ANO6: variants seen among roughly 807,000 people sequenced by gnomAD.
ANO6 encodes anoctamin-6.
A neutral mutation model predicts 117.5 loss-of-function variants in ANO6; 106 were observed. That is an observed-to-expected ratio of 0.90 (90% CI 0.77 to 1.06). The LOEUF is 1.06. Among genes scored for constraint, ANO6 ranks in the 50% least tolerant of loss-of-function variants. The probability of loss-of-function intolerance (pLI) is 0.00; values close to 1 mark genes in which losing one functional copy is unlikely to be tolerated. For missense variants in ANO6, 955 were observed against 1,121.1 expected, an observed-to-expected ratio of 0.85 and a Z score of 2.12; for synonymous variants, 367 against 385.1, an observed-to-expected ratio of 0.95 and a Z score of 0.55.
chr12:45,261,323 T>C (rs1267691069), intron 1 of ANO6, among the ~76,000 whole-genome samples: 2 of 152,184 alleles, frequency 1.3e-5, no homozygotes, highest in Non-Finnish European at 2.9e-5. Context: ...TAGTTCTAGG[T>C]AGAGGGCCGT....
intron 1 of ANO6, among the ~76,000 whole-genome samples, chr12:45,287,767 A>G (rs772728723): frequency 2.0e-5 from 3 of 152,186 alleles, no homozygotes; most frequent in East Asian, 3.9e-4. Context: ...TAGATATGCT[A>G]AAACTGGGAT....
At chr12:45,337,535 CATGA>C (rs1406948819) in intron 3 of ANO6, among the ~76,000 whole-genome samples, 1 of 152,018 alleles carries the variant, frequency 6.6e-6, no homozygotes, top group Non-Finnish European at 1.5e-5. Context: ...TTAAGCAATG[CATGA>C]ATGAATTTAT....
At chr12:45,335,649 C>A (rs1940803070) in intron 3 of ANO6, 1 of 151,940 alleles carries the variant, frequency 6.6e-6, no homozygotes, top group Non-Finnish European at 1.5e-5. Context: ...TGTAAATATT[C>A]CAATTTCTTA....
chr12:45,433,138 C>T (rs1427878168), downstream of ANO6, among the ~76,000 whole-genome samples: 2 of 152,186 alleles, frequency 1.3e-5, no homozygotes, highest in South Asian at 2.1e-4. Flanking sequence ...CAAATATGCC[C>T]TGCTAATCAT....
chr12:45,273,136 C>CGG (rs35506539), intron 1 of ANO6, among the ~76,000 whole-genome samples: 3 of 151,986 alleles, frequency 2.0e-5, no homozygotes, highest in East Asian at 3.9e-4. Context: ...CAGTGATTGC[C>CGG]GGGGGGCTGG....
chr12:45,236,122 A>G (rs2137150976), intron 1 of ANO6, among the ~76,000 whole-genome samples: 1 of 152,250 alleles, frequency 6.6e-6, no homozygotes, highest in East Asian at 1.9e-4. Flanking sequence ...TTTAGAAGAC[A>G]TCTGGCTCAA....
At chr12:45,363,864 G>C (rs1323087763) in intron 8 of ANO6, among the ~76,000 whole-genome samples, 1 of 152,172 alleles carries the variant, frequency 6.6e-6, no homozygotes, top group African/African-American at 2.4e-5. Flanking sequence ...CTTCTGCCAT[G>C]ATTGTGAGGC....
At position 45,216,271 on chromosome 12, in the gene ANO6, C is replaced by T; in HGVS notation, c.-51C>T. ...TGGGAGAGCCGCGCCGTTCTGGAAC[C>T]CGGGAGCCCCCAACTTCGCGCCAAG... On this transcript the variant is annotated 5_prime_UTR_variant, in exon 1 of 20. Coordinates refer to ENST00000320560, the MANE Select transcript of ANO6 (RefSeq NM_001025356.3). The T allele has an allele frequency of 6.4e-7, 1 of 1,567,574 alleles. No individual in the cohort carries two copies. The highest frequency in any genetic ancestry group is 1.2e-5 in the South Asian group (1 of 85,448).
chr12:45,305,895 G>T (rs1198506031), intron 2 of ANO6, among the ~76,000 whole-genome samples: 1 of 151,924 alleles, frequency 6.6e-6, no homozygotes, highest in Admixed American at 6.6e-5. Context: ...TTGATTCCAA[G>T]CCCCAAGGAG....
intron 1 of ANO6, among the ~76,000 whole-genome samples, chr12:45,277,984 T>G (rs1938606180): frequency 6.6e-6 from 1 of 152,146 alleles, no homozygotes; most frequent in Non-Finnish European, 1.5e-5. Context: ...GATAGGGTCT[T>G]GCTCTGTTGC....
intron 12 of ANO6, among the ~76,000 whole-genome samples, chr12:45,395,952 C>T (rs1402357371): frequency 6.6e-6 from 1 of 152,198 alleles, no homozygotes; most frequent in Non-Finnish European, 1.5e-5. Context: ...TGCCCTCTCT[C>T]TCCACTCCCA....
chr12:45,244,130 C>G lies in ANO6; in HGVS notation c.70+27739C>G, dbSNP rs114148006. Among the ~76,000 whole-genome samples the G allele has an allele frequency of 9.5e-3, 1,444 of 152,266 alleles. 25 individuals are homozygous for G. The highest frequency in any genetic ancestry group is 0.033 in the African/African-American group (1,359 of 41,548). ...TATAATCTAAAATCATATTTGACTT[C>G]TGATGACAGAATGTGAAAGTTTCAG... is the stretch of plus-strand genomic sequence containing the variant. On this transcript the variant is annotated intron_variant, in intron 1 of 19. Coordinates refer to ENST00000320560, the MANE Select transcript of ANO6 (RefSeq NM_001025356.3).
intron 2 of ANO6, among the ~76,000 whole-genome samples, chr12:45,325,413 T>C (rs1425903361): frequency 6.6e-6 from 1 of 152,180 alleles, no homozygotes; most frequent in African/African-American, 2.4e-5. Context: ...CAAGATGCCT[T>C]GAGGATATTT....
At chr12:45,373,371 T>C (rs1253265603) in intron 9 of ANO6, among the ~76,000 whole-genome samples, 2 of 151,346 alleles carry the variant, frequency 1.3e-5, no homozygotes, top group Non-Finnish European at 3.0e-5. Context: ...CTAATAGACA[T>C]CTACAGAATT....
At chr12:45,339,822 G>C (rs983364912) in intron 3 of ANO6, among the ~76,000 whole-genome samples, 1 of 152,012 alleles carries the variant, frequency 6.6e-6, no homozygotes, top group African/African-American at 2.4e-5. Flanking sequence ...GTTAAAAAAA[G>C]ATTGGCAAGT....
intron 12 of ANO6, among the ~76,000 whole-genome samples, chr12:45,392,573 C>G (rs762482520): frequency 1.3e-5 from 2 of 152,202 alleles, no homozygotes; most frequent in Non-Finnish European, 2.9e-5. Context: ...CCCGTGTAGC[C>G]TAACTGGGAA....
At chr12:45,375,434 A>G (rs1941981143) in intron 9 of ANO6, among the ~76,000 whole-genome samples, 1 of 152,220 alleles carries the variant, frequency 6.6e-6, no homozygotes, top group African/African-American at 2.4e-5. Context: ...TGGAGGCATC[A>G]CATTACCTGA....
At chr12:45,317,045 A>G (rs1940054483) in intron 2 of ANO6, among the ~76,000 whole-genome samples, 1 of 144,998 alleles carries the variant, frequency 6.9e-6, no homozygotes, top group African/African-American at 2.5e-5. Context: ...TAAAACAGTA[A>G]GAAGGGTATC....
intron 2 of ANO6, among the ~76,000 whole-genome samples, chr12:45,321,272 G>A (rs189988981): frequency 4.3e-4 from 65 of 152,194 alleles, no homozygotes; most frequent in African/African-American, 1.3e-3. Context: ...TCAACAAGTG[G>A]TAGTTTATAA....
Sources: allele counts gnomAD v4.1 joint callset (sites outside exome capture counted in the v4.1 genomes callset), GRCh38; gene constraint gnomAD v4.1.1; transcripts MANE v1.5; gene names NCBI Gene and HGNC (gene_info 2026-07-23, HGNC 2026-07-21).